Variants in DOLK observed in about 807,000 individuals in gnomAD.
The protein encoded by DOLK is SEC59 homolog.
DOLK carries 20 observed loss-of-function variants against 31.7 expected under a neutral mutation model. The ratio of observed to expected loss-of-function variants is 0.63; its 90% CI spans 0.44 to 0.92. DOLK has a LOEUF of 0.92. Ranked by LOEUF, DOLK falls within the 40% of genes least tolerant of loss-of-function variation. DOLK has a pLI of 0.00. For synonymous variants in DOLK, 309 were observed against 287.0 expected (o/e 1.08, Z -0.77); for missense variants, 594 against 680.7 (o/e 0.87, Z 1.42).
In DOLK at chr9:128,947,309, T is replaced by C. The variant is rs1311084973; in HGVS notation, c.-6A>G. The C allele has an allele frequency of 6.2e-7, 1 of 1,611,882 alleles. No homozygotes were observed. The highest frequency in any genetic ancestry group is 1.1e-5 in the South Asian group (1 of 91,002). On this transcript the variant is annotated 5_prime_UTR_variant, in exon 1 of 1. Coordinates refer to ENST00000372586, the MANE Select transcript of DOLK (RefSeq NM_014908.4). The stretch of plus-strand genomic sequence containing the variant: ...GATGGGCACTCTCGGGTCATATCTC[T>C]AGACCTGGGGCTTCACGGAGGCCGG...
In DOLK at chr9:128,945,985, G is replaced by A; in HGVS notation, c.1319C>T (p.Pro440Leu). 2 of 1,614,184 alleles carry A rather than the reference G, an allele frequency of 1.2e-6. No individual in the cohort carries two copies. The highest frequency in any genetic ancestry group is 2.2e-5 in the East Asian group (1 of 44,874). Residue 440 changes from proline to leucine, a missense_variant, in exon 1 of 1, where the codon CCC becomes CTC. Pro to Leu is a moderately conservative substitution (Grantham distance 98). Coordinates refer to ENST00000372586, the MANE Select transcript of DOLK (RefSeq NM_014908.4). ...GSLGGARALV[P>L]YAGVLAVGVG... is the part of the protein sequence containing the mutation. Reference sequence around the variant, plus strand: ...ACCCACAGCCAGGACACCGGCATAGGGGACGAGGGCCCTGGCTCCTCCCAG... The same window carrying A: ...ACCCACAGCCAGGACACCGGCATAGAGGACGAGGGCCCTGGCTCCTCCCAG...
rs1294479059 is a variant in DOLK, at chr9:128,945,947, C to G, written c.1357G>C (p.Val453Leu). 5.0e-6 allele frequency: 8 copies of G among 1,614,048 alleles called. No individual in the cohort carries two copies. Among genetic ancestry groups the G allele is most frequent in the Middle Eastern group, 1.6e-4 (1 of 6,084 alleles). Residue 453 changes from valine (V) to leucine (L), a missense_variant, in exon 1 of 1, where the codon GTG becomes CTG. Val to Leu is a conservative substitution (Grantham distance 32, BLOSUM62 1). Coordinates refer to ENST00000372586, the MANE Select transcript of DOLK (RefSeq NM_014908.4). ...GVLAVGVGDT[V>L]ASIFGSTMGE... ...ATGGTGCTACCGAAGATGGAGGCCACAGTATCACCCACACCCACAGCCAGG... is the reference window on the plus strand; with the variant it reads ...ATGGTGCTACCGAAGATGGAGGCCAGAGTATCACCCACACCCACAGCCAGG...
In DOLK at chr9:128,946,194, G is replaced by T; in HGVS notation, c.1110C>A (p.Phe370Leu). ...YVAATVCLAVFIFLEYVRYFR... is the reference protein window; with the variant it reads ...YVAATVCLAVLIFLEYVRYFR... ...AGTAGCGCACATACTCCAGGAAGAT[G>T]AAGACCGCCAGGCATACAGTGGCGG... The change falls in exon 1 of 1, where the codon TTC becomes TTA. Residue 370 changes from phenylalanine (F) to leucine (L), a missense_variant. Physicochemically the swap from Phe to Leu is conservative, Grantham distance 22. Transcript: ENST00000372586. 2 of 1,614,230 alleles carry T rather than the reference G, an allele frequency of 1.2e-6. No homozygotes were observed. Among genetic ancestry groups the T allele is most frequent in the African/African-American group, 2.7e-5 (2 of 75,066 alleles).
Position 128,946,099 on chromosome 9 carries a change from C to G in DOLK, c.1205G>C (p.Gly402Ala), listed in dbSNP as rs955235262. Residue 402 changes from glycine (G) to alanine (A), a missense_variant, in exon 1 of 1, where the codon GGA becomes GCA. Gly to Ala is a moderately conservative substitution (Grantham distance 60, BLOSUM62 0). Transcript: ENST00000372586. The part of the protein sequence containing the change: ...LSLFLDERDS[G>A]PLILTHIYLL... Reference sequence around the variant, plus strand: ...GTAGATGTGTGTCAGAATGAGTGGTCCACTGTCTCGTTCATCCAGAAAAAG... The same window carrying G: ...GTAGATGTGTGTCAGAATGAGTGGTGCACTGTCTCGTTCATCCAGAAAAAG... The G allele has an allele frequency of 3.1e-6, 5 of 1,614,004 alleles. No homozygotes were observed. The African/African-American group carries it at 5.3e-5, about 17-fold the overall frequency.
rs769800558 is a variant in DOLK, at chr9:128,946,823, C to A, written c.481G>T (p.Val161Leu). The A allele has an allele frequency of 2.0e-5, 32 of 1,613,374 alleles. No homozygotes were observed. The highest frequency in any genetic ancestry group is 2.6e-5 in the Non-Finnish European group (31 of 1,180,016). ...TCCAGGACTTCGATCACCTCCCCCA[C>A]GCTCAACGAGTGCTTCATGATATAA... ...IIYIMKHSLSVGEVIEVLEVL... is the reference protein window; with the variant it reads ...IIYIMKHSLSLGEVIEVLEVL... The change falls in exon 1 of 1, where the codon GTG becomes TTG. Residue 161 changes from valine (V) to leucine (L), a missense_variant. By Grantham distance (32) the Val-to-Leu change is conservative. Transcript: ENST00000372586.
At position 128,946,566 on chromosome 9, in the gene DOLK, G is replaced by C. The variant is rs776924458; in HGVS notation, c.738C>G (p.Val246=). ...AGGCCCAGGTGCCTGAGTCCATGAA[G>C]ACAAACAGAGTGCTGAAGAAAATGC... ...LMGIFFSTLF[V]FMDSGTWASS... The change falls in exon 1 of 1, where the codon GTC becomes GTG. Residue 246 remains valine (V), a synonymous_variant. Coordinates refer to ENST00000372586, the MANE Select transcript of DOLK (RefSeq NM_014908.4). 25 of 1,614,084 alleles carry C rather than the reference G, an allele frequency of 1.5e-5. No individual in the cohort carries two copies. The highest frequency in any genetic ancestry group is 2.0e-5 in the Non-Finnish European group (24 of 1,180,006).
Position 128,945,794 on chromosome 9 carries a change from C to G in DOLK, c.1510G>C (p.Ala504Pro). The G allele has an allele frequency of 6.2e-7, 1 of 1,614,210 alleles. No homozygotes were observed. The highest frequency in any genetic ancestry group is 8.5e-7 in the Non-Finnish European group (1 of 1,180,034). Residue 504 changes from alanine (A) to proline (P), a missense_variant, in exon 1 of 1, where the codon GCT (alanine) becomes CCT (proline). By Grantham distance (27) the Ala-to-Pro change is conservative. Coordinates refer to ENST00000372586, the MANE Select transcript of DOLK (RefSeq NM_014908.4). ...DSGVDLNYSYAWILGSISTVS... is the reference protein window; with the variant it reads ...DSGVDLNYSYPWILGSISTVS... ...GTGCTGATGGACCCCAAAATCCAAG[C>G]ATAACTGTAGTTTAGGTCCACTCCA...
Position 128,947,473 on chromosome 9 carries a change from G to A in DOLK, c.-170C>T. 1 of 981,826 alleles carries A rather than the reference G, an allele frequency of 1.0e-6. No individual in the cohort carries two copies. Among genetic ancestry groups the A allele is most frequent in the Non-Finnish European group, 1.5e-6 (1 of 657,460 alleles). The allele number at this position is 981,826 out of a possible 1,614,324, so 60.8% of individuals were successfully genotyped here. A position where few individuals can be genotyped will look rare whatever the true frequency, so the allele number is the denominator to read the frequency against. On this transcript the variant is annotated 5_prime_UTR_variant, in exon 1 of 1. Transcript: ENST00000372586. ...CCACCGCAGGTCACTTCTGCGGCCTGGGAGCTGGCGCCCGGCCACCCCCCA... is the reference window on the plus strand; with the variant it reads ...CCACCGCAGGTCACTTCTGCGGCCTAGGAGCTGGCGCCCGGCCACCCCCCA...
In DOLK at chr9:128,946,857, ACCTCCAGCCAAGCC is replaced by A. The variant is rs1276936622; in HGVS notation, c.433_446del (p.Gly145CysfsTer44). ...AGTGCTTCATGATATAAATGATAAC[ACCTCCAGCCAAGCC>A]CAAGATGACACAAGTGTTGGTTGGC... On this transcript the variant is annotated frameshift_variant, in exon 1 of 1. Coordinates refer to ENST00000372586, the MANE Select transcript of DOLK (RefSeq NM_014908.4). LOFTEE classifies it high-confidence loss of function. The A allele has an allele frequency of 6.2e-7, 1 of 1,609,802 alleles. No homozygotes were observed. The highest frequency in any genetic ancestry group is 8.5e-7 in the Non-Finnish European group (1 of 1,179,952).
rs748455807 is a variant in DOLK at position 128,946,386 on chromosome 9, C to T, written c.918G>A (p.Leu306=). Residue 306 remains leucine (L), a synonymous_variant, in exon 1 of 1, where the codon CTG becomes CTA. Transcript: ENST00000372586. Reference sequence around the variant, plus strand: ...CCACCAGGCAGGCCAAGGTGGCCAGCAGAGACCAATAGGCTAGGAGGTAGA... The same window carrying T: ...CCACCAGGCAGGCCAAGGTGGCCAGTAGAGACCAATAGGCTAGGAGGTAGA... ...TRIYLLAYWS[L]LATLACLVVL... is the part of the protein sequence containing the mutation. 3.7e-6 allele frequency: 6 copies of T among 1,613,996 alleles called. No individual in the cohort carries two copies. The South Asian group carries it at 5.5e-5, about 15-fold the overall frequency.
In DOLK at chr9:128,946,797, T is replaced by A. The variant is rs1841678421; in HGVS notation, c.507A>T (p.Glu169Asp). 1.2e-6 allele frequency: 2 copies of A among 1,613,704 alleles called. No homozygotes were observed. The highest frequency in any genetic ancestry group is 1.7e-6 in the Non-Finnish European group (2 of 1,179,986). ...TGAGATAAACGAAGATCAGAAGGACTTCCAGGACTTCGATCACCTCCCCCA... is the reference window on the plus strand; with the variant it reads ...TGAGATAAACGAAGATCAGAAGGACATCCAGGACTTCGATCACCTCCCCCA... The part of the protein sequence containing the change: ...LSVGEVIEVL[E>D]VLLIFVYLNM... The change falls in exon 1 of 1, where the codon GAA becomes GAT. Residue 169 changes from glutamate (E) to aspartate (D), a missense_variant. Glu to Asp is a conservative substitution (Grantham distance 45). Transcript: ENST00000372586.
rs1841648177 is a variant in DOLK at position 128,945,688 on chromosome 9, T to C, written c.1616A>G (p.Ter539TrpextTer28). ...PLYLLILLMA[*>W] ...GTCACTGCTGCTGCACTGTAACAGC[T>C]AGGCCATCAGCAATATCAGGAGGTA... The change falls in exon 1 of 1, where the codon TAG becomes TGG. Residue 539 changes from the stop codon to tryptophan, a stop_lost. Transcript: ENST00000372586. 3 of 1,614,064 alleles carry C rather than the reference T, an allele frequency of 1.9e-6. No individual in the cohort carries two copies. Among genetic ancestry groups the C allele is most frequent in the Non-Finnish European group, 2.5e-6 (3 of 1,179,998 alleles).
chr9:128,946,003 C>T lies in DOLK; in HGVS notation c.1301G>A (p.Gly434Glu). Residue 434 changes from glycine to glutamate, a missense_variant, in exon 1 of 1, where the codon GGA becomes GAA. Gly to Glu is a moderately conservative substitution (Grantham distance 98). Coordinates refer to ENST00000372586, the MANE Select transcript of DOLK (RefSeq NM_014908.4). ...GGCATAGGGGACGAGGGCCCTGGCT[C>T]CTCCCAGGCTACCCTTCTGTGTGCA... ...RPCTQKGSLGGARALVPYAGV... is the reference protein window; with the variant it reads ...RPCTQKGSLGEARALVPYAGV... 1 of 1,614,172 alleles carries T rather than the reference C, an allele frequency of 6.2e-7. No individual in the cohort carries two copies. Among genetic ancestry groups the T allele is most frequent in the Non-Finnish European group, 8.5e-7 (1 of 1,180,050 alleles).
In DOLK at chr9:128,946,402, A is replaced by G; in HGVS notation, c.902T>C (p.Leu301Pro). The change falls in exon 1 of 1, where the codon CTA (leucine) becomes CCA (proline). Residue 301 changes from leucine to proline, a missense_variant. By Grantham distance (98) the Leu-to-Pro change is moderately conservative. Transcript: ENST00000372586. ...LFQTDTRIYL[L>P]AYWSLLATLA... ...GGTGGCCAGCAGAGACCAATAGGCT[A>G]GGAGGTAGATGCGGGTGTCTGTCTG... is the stretch of plus-strand genomic sequence containing the variant. The G allele has an allele frequency of 1.2e-6, 2 of 1,613,984 alleles. No individual in the cohort carries two copies. The highest frequency in any genetic ancestry group is 2.2e-5 in the East Asian group (1 of 44,882).
Position 128,947,038 on chromosome 9 carries a change from G to A in DOLK, c.266C>T (p.Pro89Leu), listed in dbSNP as rs1310123344. ...CTCCTTCATGACTAGTCCAAGCAAA[G>A]GCATGACCATGGAGGCGGGCAATAG... ...SGLLPASMVM[P>L]LLGLVMKERC... is the part of the protein sequence containing the mutation. Residue 89 changes from proline (P) to leucine (L), a missense_variant, in exon 1 of 1, where the codon CCT becomes CTT. Coordinates refer to ENST00000372586, the MANE Select transcript of DOLK (RefSeq NM_014908.4). 9.9e-6 allele frequency: 16 copies of A among 1,613,174 alleles called. No homozygotes were observed. Among genetic ancestry groups the A allele is most frequent in the Non-Finnish European group, 1.3e-5 (15 of 1,180,016 alleles).
In DOLK at chr9:128,947,176, G is replaced by T; in HGVS notation, c.128C>A (p.Ser43Ter). 1 of 1,613,242 alleles carries T rather than the reference G, an allele frequency of 6.2e-7. No homozygotes were observed. Among genetic ancestry groups the T allele is most frequent in the East Asian group, 2.2e-5 (1 of 44,864 alleles). The change falls in exon 1 of 1, where the codon TCG becomes TAG. Residue 43 changes from serine (S) to a stop codon, truncating the protein, a stop_gained. Transcript: ENST00000372586. LOFTEE classifies it high-confidence loss of function. ...CACTGCGAGGGCCACGGCGCACCAC[G>T]AGTATCGGTCCCATACGGTTGCGTG... ...SIHATVWDRY[S>*]WCAVALAVQA...
In DOLK at chr9:128,947,477, G is replaced by A. The variant is rs1174698803; in HGVS notation, c.-174C>T. 7.2e-6 allele frequency: 7 copies of A among 969,286 alleles called. No individual in the cohort carries two copies. The highest frequency in any genetic ancestry group is 1.1e-5 in the Non-Finnish European group (7 of 646,800). 60.0% of individuals were successfully genotyped at this position (969,286 alleles called of 1,614,324 possible). ...CGCAGGTCACTTCTGCGGCCTGGGA[G>A]CTGGCGCCCGGCCACCCCCCACAGC... On this transcript the variant is annotated 5_prime_UTR_variant, in exon 1 of 1. Transcript: ENST00000372586.
Position 128,947,099 on chromosome 9 carries a change from C to T in DOLK, c.205G>A (p.Ala69Thr), listed in dbSNP as rs1214894511. 1.2e-6 allele frequency: 2 copies of T among 1,613,822 alleles called. No homozygotes were observed. Among genetic ancestry groups the T allele is most frequent in the African/African-American group, 1.3e-5 (1 of 74,914 alleles). ...KWDRLLQQGS[A>T]VFQFRMSANS... ...GCGGACATTCGGAACTGGAAGACGG[C>T]GCTTCCCTGCTGTAGCAGCCGGTCC... is the stretch of plus-strand genomic sequence containing the variant. Residue 69 changes from alanine (A) to threonine (T), a missense_variant, in exon 1 of 1, where the codon GCC (alanine) becomes ACC (threonine). Coordinates refer to ENST00000372586, the MANE Select transcript of DOLK (RefSeq NM_014908.4).
In DOLK at chr9:128,945,663, G is replaced by A. The variant is rs757897092; in HGVS notation, c.*24C>T. 1.4e-5 allele frequency: 22 copies of A among 1,613,688 alleles called. No homozygotes were observed. Among genetic ancestry groups the A allele is most frequent in the East Asian group, 8.9e-5 (4 of 44,902 alleles). On this transcript the variant is annotated 3_prime_UTR_variant, in exon 1 of 1. Coordinates refer to ENST00000372586, the MANE Select transcript of DOLK (RefSeq NM_014908.4). ...CACCCTCCCCATGTCTGTTTCCTCC[G>A]TCACTGCTGCTGCACTGTAACAGCT...
Sources: gnomAD v4.1 joint callset for allele counts on GRCh38, gnomAD v4.1.1 for gene constraint, MANE v1.5 for transcripts, NCBI Gene and HGNC (gene_info 2026-07-23, HGNC 2026-07-21) for gene names.